LIN7A: variants seen among roughly 807,000 people sequenced by gnomAD.
The protein encoded by LIN7A is protein lin-7 homolog A.
A neutral mutation model predicts 29.8 loss-of-function variants in LIN7A; 25 were observed. The observed-to-expected ratio is 0.84, with a 90% CI of 0.61 to 1.17. The LOEUF is 1.17. Ranked by LOEUF, LIN7A falls within the 50% of genes most tolerant of loss-of-function variation. The pLI is 0.00. For missense variants in LIN7A, 239 were observed against 287.0 expected, an observed-to-expected ratio of 0.83 and a Z score of 1.21; for synonymous variants, 118 against 107.5, an observed-to-expected ratio of 1.10 and a Z score of -0.60.
At chr12:80,863,541 A>G (rs1276921818) in intron 2 of LIN7A, among the ~76,000 whole-genome samples, 1 of 152,206 alleles carries the variant, frequency 6.6e-6, no homozygotes, top group East Asian at 1.9e-4. Flanking sequence ...TTGACCTTCT[A>G]TTCTGATGAG....
Position 80,815,208 on chromosome 12 carries a change from G to T in LIN7A, c.484-3525C>A, listed in dbSNP as rs374924119. Among the ~76,000 whole-genome samples, 6 of 152,042 alleles carry T rather than the reference G, an allele frequency of 3.9e-5. No homozygotes were observed. In the East Asian group the frequency reaches 1.2e-3, roughly 29 times the overall value. ...CCTTAACCTATTATTTATCTCTGGA[G>T]TGCTTTTAGTCCATCAGTATAACTT... On this transcript the variant is annotated intron_variant, in intron 4 of 5. Transcript: ENST00000552864.
At chr12:80,806,827 T>G (rs2076937291) in intron 5 of LIN7A, among the ~76,000 whole-genome samples, 1 of 152,172 alleles carries the variant, frequency 6.6e-6, no homozygotes, top group Non-Finnish European at 1.5e-5. Context: ...ATAAAATCCA[T>G]GAATGACATG....
intron 1 of LIN7A, among the ~76,000 whole-genome samples, chr12:80,896,995 A>G (rs1875936992): frequency 6.6e-6 from 1 of 152,192 alleles, no homozygotes; most frequent in Non-Finnish European, 1.5e-5. Context: ...TTGTTAAACA[A>G]TTGCTGTTAT....
At chr12:80,936,011 T>C (rs191887379) in intron 1 of LIN7A, among the ~76,000 whole-genome samples, 3 of 152,312 alleles carry the variant, frequency 2.0e-5, no homozygotes, top group African/African-American at 7.2e-5. Flanking sequence ...ACATAGTCAC[T>C]TGATTTGGGA....
At chr12:80,810,209 C>G (rs946294722) in intron 5 of LIN7A, among the ~76,000 whole-genome samples, 3 of 152,172 alleles carry the variant, frequency 2.0e-5, no homozygotes, top group African/African-American at 7.2e-5. Context: ...CCTCTGGAAA[C>G]CACATTCTAC....
rs1265692027 is a variant in LIN7A, at chr12:80,792,735, C to A, written c.*4992G>T. The A allele has an allele frequency of 6.6e-6, 1 of 152,100 alleles. No homozygotes were observed. The highest frequency in any genetic ancestry group is 1.5e-5 in the Non-Finnish European group (1 of 68,004). 9.4% of individuals were successfully genotyped at this position (152,100 alleles called of 1,614,324 possible). ...CTCCAAACTGTGTATTTATTATAAG[C>A]CCTTACATCAGGGATTTTGTTTCTT... On this transcript the variant is annotated 3_prime_UTR_variant, in exon 6 of 6. Transcript: ENST00000552864.
chr12:80,913,783 A>C (rs1416696573), intron 1 of LIN7A, among the ~76,000 whole-genome samples: 1 of 152,186 alleles, frequency 6.6e-6, no homozygotes, highest in Non-Finnish European at 1.5e-5. Context: ...GCTTTTCTTC[A>C]AGTAGTCTTT....
At chr12:80,878,668 G>A (rs780302096) in intron 2 of LIN7A, among the ~76,000 whole-genome samples, 8 of 152,154 alleles carry the variant, frequency 5.3e-5, no homozygotes, top group African/African-American at 1.4e-4. Context: ...ATTTGTCCCC[G>A]CCCATGTCCT....
chr12:80,816,869 A>G (rs1871561734), intron 4 of LIN7A, among the ~76,000 whole-genome samples: 1 of 152,194 alleles, frequency 6.6e-6, no homozygotes, highest in African/African-American at 2.4e-5. Context: ...CCCAGGTCCA[A>G]GCGACTCTTG....
At chr12:80,868,358 G>A (rs945073631) in intron 2 of LIN7A, among the ~76,000 whole-genome samples, 3 of 152,094 alleles carry the variant, frequency 2.0e-5, no homozygotes, top group African/African-American at 7.2e-5. Flanking sequence ...CACCTGAAGT[G>A]GGGAGTTCGA....
At chr12:80,902,646 G>T (rs1876283954) in intron 1 of LIN7A, among the ~76,000 whole-genome samples, 2 of 151,900 alleles carry the variant, frequency 1.3e-5, no homozygotes, top group African/African-American at 4.8e-5. Context: ...TTGTGTTTTT[G>T]ATTTCACTCT....
Position 80,845,721 on chromosome 12 carries a change from TAA to T in LIN7A, c.483+7_483+8del. ...AAGGAGAAAATCTCTGGTTATTTTA[TAA>T]ACATACCACTCCGTTCACTGATAGC... On this transcript the variant is annotated splice_region_variant and intron_variant, in intron 4 of 5. Coordinates refer to ENST00000552864, the MANE Select transcript of LIN7A (RefSeq NM_004664.4). 1.2e-6 allele frequency: 2 copies of T among 1,602,880 alleles called. No homozygotes were observed. The highest frequency in any genetic ancestry group is 8.5e-7 in the Non-Finnish European group (1 of 1,175,556).
At chr12:80,842,205 C>G in intron 4 of LIN7A, 1 of 1,062,582 alleles carries the variant, frequency 9.4e-7, no homozygotes, top group Admixed American at 2.6e-5. Flanking sequence ...CCCTTTCCAT[C>G]ACACTTTATA....
At position 80,794,533 on chromosome 12, in the gene LIN7A, GCA is replaced by G. The variant is rs1365080056; in HGVS notation, c.*3192_*3193del. ...TATTCCACCTCTTGGGGTCCTACGG[GCA>G]CAGTTGAGTAACATGAAATGAGATA... On this transcript the variant is annotated 3_prime_UTR_variant, in exon 6 of 6. Coordinates refer to ENST00000552864, the MANE Select transcript of LIN7A (RefSeq NM_004664.4). The G allele has an allele frequency of 6.6e-6, 1 of 152,078 alleles. No individual in the cohort carries two copies. Among genetic ancestry groups the G allele is most frequent in the Non-Finnish European group, 1.5e-5 (1 of 68,010 alleles). The allele number at this position is 152,078 out of a possible 1,614,324, so 9.4% of individuals were successfully genotyped here.
At chr12:80,883,127 C>T (rs922750282) in intron 2 of LIN7A, among the ~76,000 whole-genome samples, 3 of 151,622 alleles carry the variant, frequency 2.0e-5, no homozygotes, top group Admixed American at 6.6e-5. Flanking sequence ...GTTTTTCTTC[C>T]CTACCTCTCT....
At chr12:80,881,854 C>A (rs1419764183) in intron 2 of LIN7A, among the ~76,000 whole-genome samples, 1 of 152,010 alleles carries the variant, frequency 6.6e-6, no homozygotes, top group Non-Finnish European at 1.5e-5. Flanking sequence ...TCTGGTTATC[C>A]TTGGTTATTC....
intron 2 of LIN7A, among the ~76,000 whole-genome samples, chr12:80,863,380 T>C (rs1873972785): frequency 6.6e-6 from 1 of 152,200 alleles, no homozygotes; most frequent in South Asian, 2.1e-4. Flanking sequence ...AGTTCTAAGG[T>C]TTGATCTACA....
chr12:80,867,451 G>C (rs1874201249), intron 2 of LIN7A, among the ~76,000 whole-genome samples: 1 of 152,190 alleles, frequency 6.6e-6, no homozygotes, highest in Admixed American at 6.5e-5. Flanking sequence ...CAGGGGCTAA[G>C]AGGTGGGGGT....
At chr12:80,914,029 T>C (rs1211963817) in intron 1 of LIN7A, among the ~76,000 whole-genome samples, 2 of 152,216 alleles carry the variant, frequency 1.3e-5, no homozygotes, top group Non-Finnish European at 2.9e-5. Context: ...CTCATCAACT[T>C]CATGGACCAA....
Sources: gnomAD v4.1 joint callset for allele counts (sites outside exome capture counted in the v4.1 genomes callset) on GRCh38, gnomAD v4.1.1 for gene constraint, MANE v1.5 for transcripts, NCBI Gene and HGNC (gene_info 2026-07-23, HGNC 2026-07-21) for gene names.